The following NAP1L4 variants were observed in gnomAD, a reference collection of about 807,000 sequenced individuals.
NAP1L4 encodes nucleosome assembly protein 1 like 4.
NAP1L4 carries 15 observed loss-of-function variants against 58.2 expected under a neutral mutation model. The ratio of observed to expected loss-of-function variants is 0.26; its 90% CI spans 0.17 to 0.40. The LOEUF (loss-of-function observed/expected upper bound fraction) is 0.40. Ranked by LOEUF, NAP1L4 falls within the 10% of genes least tolerant of loss-of-function variation. The pLI is 1.00. For missense variants in NAP1L4, 384 were observed against 451.1 expected, an observed-to-expected ratio of 0.85 and a Z score of 1.35; for synonymous variants, 171 against 155.6, an observed-to-expected ratio of 1.10 and a Z score of -0.74.
At chr11:2,957,133 TA>T (rs1239848215) in intron 10 of NAP1L4, among the ~76,000 whole-genome samples, 1 of 152,118 alleles carries the variant, frequency 6.6e-6, no homozygotes, top group Non-Finnish European at 1.5e-5. Flanking sequence ...ATTTTTATCC[TA>T]AAAATTATTT....
rs896687407 is a variant in NAP1L4 at position 2,954,855 on chromosome 11, G to C, written c.916-209C>G. ...AAAGAGCTACTGAAGCAAAATGGCA[G>C]AGAAAGTGGGAAGTGAGGGCCCTAC... On this transcript the variant is annotated intron_variant, in intron 11 of 15. Coordinates refer to ENST00000380542, the MANE Select transcript of NAP1L4 (RefSeq NM_005969.4). The surrounding 1 kb of genome is among the most constrained non-coding windows in gnomAD (Gnocchi z 4.8). 2 of 614,558 alleles carry C rather than the reference G, an allele frequency of 3.3e-6. No homozygotes were observed. The highest frequency in any genetic ancestry group is 5.7e-6 in the Non-Finnish European group (2 of 351,256). The allele number at this position is 614,558 out of a possible 1,614,324, so 38.1% of individuals were successfully genotyped here. A position where few individuals can be genotyped will look rare whatever the true frequency, so the allele number is the denominator to read the frequency against.
chr11:2,945,530 TG>T lies in NAP1L4; in HGVS notation c.*148del. Reference sequence around the variant, plus strand: ...GGAGTAAGCTCTGTCCACGGGATTGTGCTGCGGCAAGGACCGAGGCCCCGCC... The same window carrying T: ...GGAGTAAGCTCTGTCCACGGGATTGTCTGCGGCAAGGACCGAGGCCCCGCC... On this transcript the variant is annotated 3_prime_UTR_variant, in exon 16 of 16. Coordinates refer to ENST00000380542, the MANE Select transcript of NAP1L4 (RefSeq NM_005969.4). 1 of 1,269,160 alleles carries T rather than the reference TG, an allele frequency of 7.9e-7. No individual in the cohort carries two copies. The highest frequency in any genetic ancestry group is 1.1e-6 in the Non-Finnish European group (1 of 909,962). The allele number at this position is 1,269,160 out of a possible 1,614,324, so 78.6% of individuals were successfully genotyped here.
At chr11:2,974,776 C>T (rs377520630) in intron 4 of NAP1L4, among the ~76,000 whole-genome samples, 1 of 152,012 alleles carries the variant, frequency 6.6e-6, no homozygotes, top group Non-Finnish European at 1.5e-5. Context: ...CAAAAAAACA[C>T]GTGCAGCAAA....
intron 12 of NAP1L4, chr11:2,952,868 GAAGAC>G (rs1846313926): frequency 6.6e-6 from 1 of 152,302 alleles, no homozygotes; most frequent in Non-Finnish European, 1.5e-5. Flanking sequence ...CACGTGCAGA[GAAGAC>G]AAGACCAGGG....
intron 7 of NAP1L4, among the ~76,000 whole-genome samples, chr11:2,967,861 C>G (rs1194636271): frequency 6.6e-6 from 1 of 152,124 alleles, no homozygotes; most frequent in Non-Finnish European, 1.5e-5. Context: ...AGGGACACCC[C>G]ATTTAAAATG....
chr11:2,967,416 T>C (rs1310340953), intron 7 of NAP1L4, among the ~76,000 whole-genome samples: 1 of 151,972 alleles, frequency 6.6e-6, no homozygotes, highest in Non-Finnish European at 1.5e-5. Flanking sequence ...ATCGAGACCA[T>C]CCTGGCTAAC....
chr11:2,985,950 A>G (rs1432596976), intron 1 of NAP1L4, among the ~76,000 whole-genome samples: 2 of 152,230 alleles, frequency 1.3e-5, no homozygotes, highest in Non-Finnish European at 2.9e-5. Context: ...AATCCTATTT[A>G]TGGATTAATT....
chr11:2,949,833 C>G lies in NAP1L4; in HGVS notation c.1123-569G>C, dbSNP rs767339796. ...ACAACAGAGGGGAGGAAAAGAGAAGCTGAGGCACAGAATACAGGGAGGGGG... is the reference window on the plus strand; with the variant it reads ...ACAACAGAGGGGAGGAAAAGAGAAGGTGAGGCACAGAATACAGGGAGGGGG... On this transcript the variant is annotated intron_variant, in intron 14 of 15. Transcript: ENST00000380542. This position sits in a 1 kb window ranked among gnomAD's most constrained non-coding sequence, Gnocchi z 4.0. 5.3e-5 allele frequency among the ~76,000 whole-genome samples: 8 copies of G among 152,174 alleles called. No homozygotes were observed. Among genetic ancestry groups the G allele is most frequent in the Non-Finnish European group, 8.8e-5 (6 of 68,024 alleles).
chr11:2,983,965 G>A (rs1255439684), intron 1 of NAP1L4, among the ~76,000 whole-genome samples: 2 of 149,310 alleles, frequency 1.3e-5, no homozygotes, highest in Admixed American at 1.4e-4. Context: ...CCGCCTGGGA[G>A]ACAGAGTGAG....
chr11:2,963,085 T>C (rs1210381332), intron 8 of NAP1L4, among the ~76,000 whole-genome samples: 2 of 109,820 alleles, frequency 1.8e-5, no homozygotes, highest in African/African-American at 4.0e-5. Context: ...GGTGACACAG[T>C]GAGACTCGGT....
At chr11:2,987,186 A>G (rs1848683386) in intron 1 of NAP1L4, among the ~76,000 whole-genome samples, 2 of 151,944 alleles carry the variant, frequency 1.3e-5, no homozygotes. Flanking sequence ...GACAGTCCAG[A>G]TTTCATTTCT....
intron 4 of NAP1L4, among the ~76,000 whole-genome samples, chr11:2,974,866 A>T (rs144631325): frequency 5.3e-4 from 80 of 152,312 alleles, no homozygotes; most frequent in African/African-American, 1.9e-3. Flanking sequence ...GAAATAAATA[A>T]AACTACAAAA....
intron 1 of NAP1L4, among the ~76,000 whole-genome samples, chr11:2,981,157 G>C (rs1590267034): frequency 1.3e-5 from 2 of 151,530 alleles, no homozygotes; most frequent in African/African-American, 4.8e-5. Flanking sequence ...AGAATCGCTC[G>C]AGCACAGGAG....
intron 2 of NAP1L4, 83 bp from the exon 3 acceptor site, chr11:2,978,425 T>C: frequency 7.7e-7 from 1 of 1,294,532 alleles, no homozygotes; most frequent in Non-Finnish European, 1.1e-6. Flanking sequence ...TCTTATTCAA[T>C]ATATTAAGAG....
chr11:2,949,217 TCCA>T lies in NAP1L4; in HGVS notation c.*32+7_*32+9del, dbSNP rs746194495. The T allele has an allele frequency of 2.5e-6, 4 of 1,581,976 alleles. No individual in the cohort carries two copies. The highest frequency in any genetic ancestry group is 1.4e-5 in the African/African-American group (1 of 74,054). ...TTTGGAAGTTAGGTATGAATGGAAT[TCCA>T]CCTTACCTAGAAACGTATGAATGAT... On this transcript the variant is annotated splice_region_variant and intron_variant, in intron 15 of 15. Coordinates refer to ENST00000380542, the MANE Select transcript of NAP1L4 (RefSeq NM_005969.4). This position sits in a 1 kb window ranked among gnomAD's most constrained non-coding sequence, Gnocchi z 4.0.
chr11:2,967,232 T>G (rs923166067), intron 7 of NAP1L4, among the ~76,000 whole-genome samples: 1 of 152,056 alleles, frequency 6.6e-6, no homozygotes, highest in Non-Finnish European at 1.5e-5. Flanking sequence ...GCCACTGACC[T>G]CTAGGCTGGG....
At chr11:2,957,150 TCA>T (rs1021543472) in intron 10 of NAP1L4, among the ~76,000 whole-genome samples, 1 of 152,132 alleles carries the variant, frequency 6.6e-6, no homozygotes, top group Non-Finnish European at 1.5e-5. Context: ...TATTTTTAAA[TCA>T]GTTTTAAGAG....
rs1845935287 is a variant in NAP1L4, at chr11:2,946,251, CTCACTCTCCT to C, written c.*33-615_*33-606del. Among the ~76,000 whole-genome samples, 2 of 152,174 alleles carry C rather than the reference CTCACTCTCCT, an allele frequency of 1.3e-5. No homozygotes were observed. The highest frequency in any genetic ancestry group is 6.5e-5 in the Admixed American group (1 of 15,286). On this transcript the variant is annotated intron_variant, in intron 15 of 15. Transcript: ENST00000380542. The surrounding 1 kb of genome is among the most constrained non-coding windows in gnomAD (Gnocchi z 4.8). ...CCACTCCCAAGAGCTCCATCTGTCA[CTCACTCTCCT>C]TCACTCTCCTAACAGTCTCACCAAG... is the stretch of plus-strand genomic sequence containing the variant.
At chr11:2,981,361 T>C (rs1480976082) in intron 1 of NAP1L4, among the ~76,000 whole-genome samples, 1 of 132,728 alleles carries the variant, frequency 7.5e-6, no homozygotes, top group Admixed American at 9.3e-5. Context: ...GCGGCTGCAG[T>C]GACCTATGAC....
Sources: gnomAD v4.1 joint callset for allele counts (sites outside exome capture counted in the v4.1 genomes callset) on GRCh38, gnomAD v4.1.1 for gene constraint, Gnocchi (gnomAD v3.1) non-coding constraint, MANE v1.5 for transcripts, NCBI Gene and HGNC (gene_info 2026-07-23, HGNC 2026-07-21) for gene names.